The following CDYL2 variants were observed in gnomAD, a reference collection of about 807,000 sequenced individuals.
The protein encoded by CDYL2 is chromodomain Y like 2, also known as chromodomain Y-like protein 2.
CDYL2 carries 23 observed loss-of-function variants against 49.4 expected under a neutral mutation model. That is an observed-to-expected ratio of 0.47 (90% CI 0.34 to 0.66). The LOEUF (loss-of-function observed/expected upper bound fraction) is 0.66, where lower values mean the gene tolerates loss of function less well. CDYL2 is among the 30% of genes least tolerant of loss of function. The pLI, the probability that CDYL2 is intolerant of heterozygous loss-of-function variation, is 0.01. For synonymous variants in CDYL2, 360 were observed against 268.8 expected, an observed-to-expected ratio of 1.34 and a Z score of -3.32; for missense variants, 678 against 656.4, an observed-to-expected ratio of 1.03 and a Z score of -0.36.
chr16:80,765,623 G>T (rs1906692753), intron 1 of CDYL2, among the ~76,000 whole-genome samples: 1 of 149,398 alleles, frequency 6.7e-6, no homozygotes, highest in African/African-American at 2.5e-5. Context: ...GATGTTCACA[G>T]CAGCATAATT....
At chr16:80,751,187 C>A (rs903252385) in intron 1 of CDYL2, among the ~76,000 whole-genome samples, 1 of 152,114 alleles carries the variant, frequency 6.6e-6, no homozygotes, top group Non-Finnish European at 1.5e-5. Flanking sequence ...AACTTTAGAC[C>A]TCCACTTCCG....
At chr16:80,721,492 G>A (rs931495264) in intron 1 of CDYL2, among the ~76,000 whole-genome samples, 1 of 152,144 alleles carries the variant, frequency 6.6e-6, no homozygotes, top group African/African-American at 2.4e-5. Context: ...GGAGAGTGGC[G>A]ATCATGACTC....
intron 1 of CDYL2, among the ~76,000 whole-genome samples, chr16:80,771,014 C>A (rs1906887269): frequency 6.6e-6 from 1 of 152,182 alleles, no homozygotes; most frequent in African/African-American, 2.4e-5. Context: ...AAAGGCTGCA[C>A]TCTAGGAGTA....
rs1905935244 is a variant in CDYL2, at chr16:80,598,481, CTCACA to C, written c.*5902_*5906del. The C allele has an allele frequency of 6.6e-6, 1 of 152,124 alleles. No homozygotes were observed. Among genetic ancestry groups the C allele is most frequent in the Non-Finnish European group, 1.5e-5 (1 of 68,036 alleles). 9.4% of individuals were successfully genotyped at this position (152,124 alleles called of 1,614,324 possible). A position where few individuals can be genotyped will look rare whatever the true frequency, so the allele number is the denominator to read the frequency against. ...GGAGAGAGAACTGAAGACAATTCTT[CTCACA>C]CCTAACAGGAATTAGAATGGGTCAA... On this transcript the variant is annotated 3_prime_UTR_variant, in exon 7 of 7. Coordinates refer to ENST00000570137, the MANE Select transcript of CDYL2 (RefSeq NM_152342.4).
At chr16:80,683,843 G>C (rs1041758290) in intron 2 of CDYL2, among the ~76,000 whole-genome samples, 2 of 152,218 alleles carry the variant, frequency 1.3e-5, no homozygotes, top group Non-Finnish European at 2.9e-5. Flanking sequence ...ACCCGATGCA[G>C]CATCTGCTGG....
intron 2 of CDYL2, among the ~76,000 whole-genome samples, 191 bp downstream of exon 2, chr16:80,684,347 G>C (rs1359928286): frequency 6.6e-6 from 1 of 152,202 alleles, no homozygotes. Flanking sequence ...CCACATGCAT[G>C]AGGGTCTGTA....
At chr16:80,655,023 G>A (rs544564193) in intron 2 of CDYL2, among the ~76,000 whole-genome samples, 32 of 152,314 alleles carry the variant, frequency 2.1e-4, no homozygotes, top group Admixed American at 2.0e-3. Flanking sequence ...GCACGGTCCC[G>A]TTCGTGGAGG....
At chr16:80,629,464 G>A (rs565495065) in intron 3 of CDYL2, among the ~76,000 whole-genome samples, 4 of 152,360 alleles carry the variant, frequency 2.6e-5, no homozygotes, top group African/African-American at 9.6e-5. Context: ...CATGTCTGCT[G>A]TGTTCCTGAG....
At chr16:80,720,880 G>A (rs1200719524) in intron 1 of CDYL2, among the ~76,000 whole-genome samples, 1 of 152,180 alleles carries the variant, frequency 6.6e-6, no homozygotes. Flanking sequence ...TGTGGTTGCT[G>A]AAAGGCTTTC....
chr16:80,737,476 G>A (rs557748821), intron 1 of CDYL2, among the ~76,000 whole-genome samples: 10 of 152,324 alleles, frequency 6.6e-5, no homozygotes, highest in African/African-American at 9.6e-5. Context: ...ATTGCAGAGC[G>A]TGAGCTCTTC....
Position 80,620,909 on chromosome 16 carries a change from G to C in CDYL2, c.861C>G (p.Leu287=), listed in dbSNP as rs758460696. 2.5e-5 allele frequency: 41 copies of C among 1,608,238 alleles called. No individual in the cohort carries two copies. In the Middle Eastern group the frequency reaches 5.1e-4, roughly 20 times the overall value. ...PEIMKEVRRA[L]CNAATDDSKL... ...TGCTGTCGTCTGTGGCTGCGTTGCA[G>C]AGCGCTCGCCGGACTTCTTTCATGA... Residue 287 remains leucine (L), a synonymous_variant, in exon 4 of 7, where the codon CTC becomes CTG. Transcript: ENST00000570137.
intron 2 of CDYL2, among the ~76,000 whole-genome samples, chr16:80,670,486 A>C (rs1909456128): frequency 2.6e-5 from 4 of 152,108 alleles, no homozygotes; most frequent in Admixed American, 2.6e-4. Context: ...CCGTGAGTCA[A>C]TTAAACCTCT....
At chr16:80,663,157 T>C (rs1909117882) in intron 2 of CDYL2, among the ~76,000 whole-genome samples, 3 of 141,712 alleles carry the variant, frequency 2.1e-5, no homozygotes. Flanking sequence ...TTCCTTCCAG[T>C]CCATTCTCCC....
intron 2 of CDYL2, among the ~76,000 whole-genome samples, chr16:80,655,116 C>A (rs1453906318): frequency 6.6e-6 from 1 of 152,178 alleles, no homozygotes; most frequent in Non-Finnish European, 1.5e-5. Flanking sequence ...CCTGCTGGGG[C>A]CAGGCCAGGC....
Position 80,656,233 on chromosome 16 carries a change from C to A in CDYL2, c.617-22997G>T, listed in dbSNP as rs149132540. ...CTTCTCCAATGTCAGCTGGAGGACA[C>A]CAAGGCATTCAAAAAGGAGGAACTA... is the stretch of plus-strand genomic sequence containing the variant. On this transcript the variant is annotated intron_variant, in intron 2 of 6. Coordinates refer to ENST00000570137, the MANE Select transcript of CDYL2 (RefSeq NM_152342.4). 7.7e-3 allele frequency among the ~76,000 whole-genome samples: 1,178 copies of A among 152,338 alleles called. 15 individuals are homozygous for A. Among genetic ancestry groups the A allele is most frequent in the African/African-American group, 0.027 (1,118 of 41,586 alleles).
intron 2 of CDYL2, among the ~76,000 whole-genome samples, chr16:80,666,044 CA>C (rs1909249072): frequency 6.6e-6 from 1 of 152,090 alleles, no homozygotes; most frequent in Non-Finnish European, 1.5e-5. Context: ...CGGAGTCTGA[CA>C]AAGGAGAAGA....
chr16:80,730,647 C>CA (rs1306604449), intron 1 of CDYL2, among the ~76,000 whole-genome samples: 5 of 151,550 alleles, frequency 3.3e-5, no homozygotes, highest in South Asian at 2.1e-4. Flanking sequence ...GAGACACAAC[C>CA]AAAAAAAAGA....
At chr16:80,634,317 T>C (rs113800277) in intron 2 of CDYL2, among the ~76,000 whole-genome samples, 8,947 of 152,122 alleles carry the variant, frequency 0.059, 800 homozygotes, top group African/African-American at 0.2. Context: ...TATGCAACCA[T>C]AAAAAAGGAT....
intron 2 of CDYL2, among the ~76,000 whole-genome samples, chr16:80,653,321 C>A (rs566651758): frequency 6.6e-6 from 1 of 152,014 alleles, no homozygotes; most frequent in Admixed American, 6.6e-5. Flanking sequence ...CAAAATTAGC[C>A]GGGCATGGTG....
Sources: allele counts gnomAD v4.1 joint callset (sites outside exome capture counted in the v4.1 genomes callset), GRCh38; gene constraint gnomAD v4.1.1; transcripts MANE v1.5; gene names NCBI Gene and HGNC (gene_info 2026-07-23, HGNC 2026-07-21).